DENND5B: variants seen among roughly 807,000 people sequenced by gnomAD.
DENND5B encodes DENN domain containing 5B.
Under a neutral mutation model 140.6 loss-of-function variants are expected in DENND5B, and 34 were observed. That is an observed-to-expected ratio of 0.24 (90% confidence interval 0.18 to 0.32). The LOEUF is 0.32. Ranked by LOEUF, DENND5B falls within the 10% of genes least tolerant of loss-of-function variation. The probability of loss-of-function intolerance (pLI) is 1.00; values close to 1 mark genes in which losing one functional copy is unlikely to be tolerated. For synonymous variants in DENND5B, 551 were observed against 562.1 expected (o/e 0.98, Z 0.28); for missense variants, 1,142 against 1,560.2 (o/e 0.73, Z 4.52).
chr12:31,512,636 T>C (rs577858546), intron 1 of DENND5B, among the ~76,000 whole-genome samples: 147 of 152,328 alleles, frequency 9.7e-4, no homozygotes, highest in African/African-American at 3.2e-3. Flanking sequence ...TATTGTACTG[T>C]ATATCCGTCA....
At chr12:31,476,068 A>C (rs529325640) in intron 3 of DENND5B, among the ~76,000 whole-genome samples, 49 of 151,862 alleles carry the variant, frequency 3.2e-4, no homozygotes, top group African/African-American at 9.7e-4. Flanking sequence ...GGAGGTTGCA[A>C]TATGCTGAGA....
At chr12:31,513,486 T>C (rs1947505063) in intron 1 of DENND5B, among the ~76,000 whole-genome samples, 1 of 152,238 alleles carries the variant, frequency 6.6e-6, no homozygotes, top group Non-Finnish European at 1.5e-5. Flanking sequence ...TTTACTAATT[T>C]ATCTGATCAT....
At chr12:31,463,806 C>T (rs1291219409) in intron 3 of DENND5B, among the ~76,000 whole-genome samples, 2 of 152,152 alleles carry the variant, frequency 1.3e-5, no homozygotes, top group Non-Finnish European at 2.9e-5. Context: ...GCTGGGATTA[C>T]AGGCACACGC....
intron 3 of DENND5B, among the ~76,000 whole-genome samples, chr12:31,475,019 T>C (rs1240476776): frequency 1.3e-5 from 2 of 152,176 alleles, no homozygotes; most frequent in African/African-American, 2.4e-5. Context: ...GAAAAAAGAC[T>C]GATGAAACCC....
At position 31,419,399 on chromosome 12, in the gene DENND5B, T is replaced by C. The variant is rs1244003468; in HGVS notation, c.2471-3951A>G. ...GGGAGGTTGCAGTGGGCCGAAATCA[T>C]GCCATTGCATCCAGTCTTGGCAACA... On this transcript the variant is annotated intron_variant, in intron 11 of 20. Coordinates refer to ENST00000389082, the MANE Select transcript of DENND5B (RefSeq NM_144973.4). Among the ~76,000 whole-genome samples, 3 of 150,962 alleles carry C rather than the reference T, an allele frequency of 2.0e-5. No individual in the cohort carries two copies. The South Asian group carries it at 6.3e-4, about 32-fold the overall frequency.
chr12:31,471,862 G>A (rs1462333363), intron 3 of DENND5B, among the ~76,000 whole-genome samples: 1 of 152,082 alleles, frequency 6.6e-6, no homozygotes, highest in Non-Finnish European at 1.5e-5. Context: ...CAATCCTTGA[G>A]GGACCAGCCA....
At chr12:31,524,616 G>A (rs1948021996) in intron 1 of DENND5B, among the ~76,000 whole-genome samples, 2 of 151,990 alleles carry the variant, frequency 1.3e-5, no homozygotes. Context: ...CTGCACCATT[G>A]CACTCCAGCC....
intron 1 of DENND5B, among the ~76,000 whole-genome samples, chr12:31,497,633 TA>T (rs1389811765): frequency 6.7e-6 from 1 of 149,128 alleles, no homozygotes; most frequent in African/African-American, 2.5e-5. Flanking sequence ...CTTCTTCATT[TA>T]AAAAAAAGTT....
At chr12:31,438,396 G>C (rs1943875139) in intron 7 of DENND5B, among the ~76,000 whole-genome samples, 2 of 152,048 alleles carry the variant, frequency 1.3e-5, no homozygotes, top group Non-Finnish European at 2.9e-5. Context: ...TTTTTACAAT[G>C]GTATCAAGGA....
At position 31,500,464 on chromosome 12, in the gene DENND5B, G is replaced by A. The variant is rs997557261; in HGVS notation, c.128-4545C>T. ...GGAGGCCGAGGCAGGTGAATTGCTTGAGGTCAGGAGTTCGAGACCAGCCTG... is the reference window on the plus strand; with the variant it reads ...GGAGGCCGAGGCAGGTGAATTGCTTAAGGTCAGGAGTTCGAGACCAGCCTG... On this transcript the variant is annotated intron_variant, in intron 1 of 20. Transcript: ENST00000389082. The A allele has an allele frequency of 2.5e-5, 11 of 438,008 alleles. No homozygotes were observed. In the Admixed American group the frequency reaches 2.8e-4, roughly 11 times the overall value. 27.1% of individuals were successfully genotyped at this position (438,008 alleles called of 1,614,324 possible).
At chr12:31,583,195 G>A (rs898236240) in intron 1 of DENND5B, among the ~76,000 whole-genome samples, 3 of 152,122 alleles carry the variant, frequency 2.0e-5, no homozygotes, top group Non-Finnish European at 4.4e-5. Flanking sequence ...AGGAGGCTGA[G>A]GCAGGAGAAT....
intron 1 of DENND5B, among the ~76,000 whole-genome samples, chr12:31,532,053 G>C (rs1446261719): frequency 6.6e-6 from 1 of 152,198 alleles, no homozygotes; most frequent in Non-Finnish European, 1.5e-5. Context: ...GGAATTTCCA[G>C]TTTGGGGAGA....
At chr12:31,541,908 G>C (rs556224727) in intron 1 of DENND5B, among the ~76,000 whole-genome samples, 14 of 152,182 alleles carry the variant, frequency 9.2e-5, no homozygotes, top group Non-Finnish European at 2.1e-4. Flanking sequence ...ACCGTGGATT[G>C]AACTGGAAGT....
chr12:31,541,047 A>AC, intron 1 of DENND5B: 2 of 445,678 alleles, frequency 4.5e-6, no homozygotes, highest in Non-Finnish European at 8.9e-6. Flanking sequence ...CATATAAAAA[A>AC]AAAATCAAAT....
chr12:31,525,745 C>G (rs561802840), intron 1 of DENND5B, among the ~76,000 whole-genome samples: 1 of 152,154 alleles, frequency 6.6e-6, no homozygotes, highest in East Asian at 1.9e-4. Context: ...AATCCCAGCA[C>G]TTTGGGAGGC....
rs1188857160 is a variant in DENND5B at position 31,384,845 on chromosome 12, C to A, written c.*2758G>T. 1 of 151,734 alleles carries A rather than the reference C, an allele frequency of 6.6e-6. No homozygotes were observed. The highest frequency in any genetic ancestry group is 2.4e-5 in the African/African-American group (1 of 41,324). 9.4% of individuals were successfully genotyped at this position (151,734 alleles called of 1,614,324 possible). ...GCAGTGGCACAATCTCGGCTCACTG[C>A]AACCTCCACCTCCTGTGTTTAAACG... On this transcript the variant is annotated 3_prime_UTR_variant, in exon 21 of 21. Transcript: ENST00000389082.
At chr12:31,587,803 T>C (rs1950449716) in intron 1 of DENND5B, among the ~76,000 whole-genome samples, 1 of 152,114 alleles carries the variant, frequency 6.6e-6, no homozygotes, top group South Asian at 2.1e-4. Flanking sequence ...TGCCTCGGCC[T>C]TCCAAAGTGC....
At chr12:31,477,217 G>A (rs1248011635) in intron 3 of DENND5B, among the ~76,000 whole-genome samples, 2 of 144,098 alleles carry the variant, frequency 1.4e-5, no homozygotes, top group South Asian at 4.6e-4. Flanking sequence ...AACAGGGCGA[G>A]ACTCTGTCTT....
chr12:31,529,089 G>A (rs1381108339), intron 1 of DENND5B, among the ~76,000 whole-genome samples: 1 of 151,356 alleles, frequency 6.6e-6, no homozygotes, highest in African/African-American at 2.4e-5. Context: ...CTTGAACTCG[G>A]GAGGCGGAGG....
Sources: gnomAD v4.1 joint callset for allele counts (sites outside exome capture counted in the v4.1 genomes callset) on GRCh38, gnomAD v4.1.1 for gene constraint, MANE v1.5 for transcripts, NCBI Gene and HGNC (gene_info 2026-07-23, HGNC 2026-07-21) for gene names.